The following SNTG1 variants were observed in gnomAD, a reference collection of about 807,000 sequenced individuals.
SNTG1 encodes the protein syntrophin gamma 1.
Under a neutral mutation model 74.7 loss-of-function variants are expected in SNTG1, and 39 were observed. The observed-to-expected ratio is 0.52, with a 90% CI of 0.40 to 0.68. The LOEUF (loss-of-function observed/expected upper bound fraction) is 0.68, where lower values mean the gene tolerates loss of function less well. Ranked by LOEUF, SNTG1 falls within the 30% of genes least tolerant of loss-of-function variation. SNTG1 has a pLI of 0.00. For missense variants in SNTG1, 685 were observed against 609.5 expected (o/e 1.12, Z -1.30); for synonymous variants, 254 against 217.1 (o/e 1.17, Z -1.49).
At chr8:50,033,750 C>A (rs978400262) in intron 1 of SNTG1, among the ~76,000 whole-genome samples, 102 of 152,268 alleles carry the variant, frequency 6.7e-4, no homozygotes, top group African/African-American at 2.4e-3. Context: ...AGGACCACAA[C>A]AACGACCTCA....
intron 4 of SNTG1, among the ~76,000 whole-genome samples, chr8:50,432,270 T>G (rs889661981): frequency 6.6e-6 from 1 of 152,186 alleles, no homozygotes; most frequent in South Asian, 2.1e-4. Flanking sequence ...AAAAAATATC[T>G]TTGCTTTTCT....
intron 11 of SNTG1, among the ~76,000 whole-genome samples, chr8:50,550,591 C>A (rs1235326482): frequency 1.3e-5 from 2 of 151,870 alleles, no homozygotes; most frequent in African/African-American, 4.8e-5. Context: ...GAGCAGTTAC[C>A]AAGAATCTTT....
intron 2 of SNTG1, among the ~76,000 whole-genome samples, chr8:50,389,718 T>C (rs1321893379): frequency 1.3e-5 from 2 of 152,344 alleles, no homozygotes; most frequent in East Asian, 1.9e-4. Flanking sequence ...AAAGTGTTCC[T>C]ATTTCTCCAC....
intron 1 of SNTG1, among the ~76,000 whole-genome samples, chr8:50,159,802 G>GA (rs1326803380): frequency 6.6e-6 from 1 of 151,998 alleles, no homozygotes; most frequent in African/African-American, 2.4e-5. Flanking sequence ...TATTCATTTG[G>GA]TCCCATTGGT....
In SNTG1 at chr8:50,208,616, G is replaced by A. The variant is rs138044296; in HGVS notation, c.-28+35981G>A. Among the ~76,000 whole-genome samples, 4 of 152,122 alleles carry A rather than the reference G, an allele frequency of 2.6e-5. No individual in the cohort carries two copies. In the South Asian group the frequency reaches 8.3e-4, roughly 32 times the overall value. ...TGATCCTGTCATTATGATGTTAGCT[G>A]GTTATGTTGCTTGTTAGTTGATACA... is the stretch of plus-strand genomic sequence containing the variant. On this transcript the variant is annotated intron_variant, in intron 2 of 18. Transcript: ENST00000642720.
chr8:50,013,256 T>C (rs561339946), intron 1 of SNTG1, among the ~76,000 whole-genome samples: 1 of 152,224 alleles, frequency 6.6e-6, no homozygotes, highest in South Asian at 2.1e-4. Flanking sequence ...ATTAAATGTG[T>C]AGAAGACTGC....
chr8:50,055,926 G>A (rs888102174), intron 1 of SNTG1, among the ~76,000 whole-genome samples: 1 of 151,690 alleles, frequency 6.6e-6, no homozygotes, highest in East Asian at 1.9e-4. Context: ...TCTTTTTATT[G>A]GAAACAATGG....
chr8:50,650,604 C>T (rs1165226928), intron 13 of SNTG1, among the ~76,000 whole-genome samples: 4 of 152,140 alleles, frequency 2.6e-5, no homozygotes, highest in African/African-American at 9.6e-5. Flanking sequence ...TTACAGATTA[C>T]ATTACTTTAA....
intron 1 of SNTG1, among the ~76,000 whole-genome samples, chr8:50,062,620 C>T (rs1420005652): frequency 1.3e-5 from 2 of 152,014 alleles, no homozygotes; most frequent in Non-Finnish European, 2.9e-5. Context: ...TTTTTTTACT[C>T]ACAACCTACT....
chr8:50,060,691 G>C (rs995576848), intron 1 of SNTG1, among the ~76,000 whole-genome samples: 1 of 151,844 alleles, frequency 6.6e-6, no homozygotes, highest in Non-Finnish European at 1.5e-5. Context: ...AACACCTACA[G>C]CTTTTTAAAA....
At chr8:50,696,555 T>C (rs570555291) in intron 15 of SNTG1, among the ~76,000 whole-genome samples, 1 of 152,234 alleles carries the variant, frequency 6.6e-6, no homozygotes, top group East Asian at 1.9e-4. Flanking sequence ...GGTTTTCTTC[T>C]AGGATATTAA....
chr8:50,141,948 C>G (rs539372069), intron 1 of SNTG1, among the ~76,000 whole-genome samples: 16 of 152,146 alleles, frequency 1.1e-4, no homozygotes, highest in African/African-American at 3.4e-4. Context: ...TGGCATATAA[C>G]TATTACACAC....
At chr8:50,138,925 TTA>T (rs2081570279) in intron 1 of SNTG1, among the ~76,000 whole-genome samples, 1 of 152,146 alleles carries the variant, frequency 6.6e-6, no homozygotes, top group South Asian at 2.1e-4. Flanking sequence ...AATTTAAATT[TTA>T]TGTTTATTTG....
chr8:50,559,963 G>A (rs527887131), intron 12 of SNTG1, among the ~76,000 whole-genome samples: 6 of 152,172 alleles, frequency 3.9e-5, no homozygotes, highest in East Asian at 1.9e-4. Context: ...GAAATTTTTT[G>A]CCATCTATCC....
At chr8:50,690,549 T>A (rs1298699399) in intron 15 of SNTG1, among the ~76,000 whole-genome samples, 1 of 152,168 alleles carries the variant, frequency 6.6e-6, no homozygotes, top group African/African-American at 2.4e-5. Context: ...TCCATGTAGT[T>A]GTGTGGTTTT....
intron 13 of SNTG1, among the ~76,000 whole-genome samples, chr8:50,653,073 G>A (rs1563697278): frequency 1.3e-5 from 2 of 151,782 alleles, no homozygotes; most frequent in East Asian, 3.9e-4. Context: ...AAACCTTACA[G>A]AGACAGAATA....
chr8:50,669,214 T>A (rs1254314939), intron 15 of SNTG1, among the ~76,000 whole-genome samples: 5 of 141,458 alleles, frequency 3.5e-5, no homozygotes, highest in South Asian at 2.4e-4. Flanking sequence ...AAATAGAGAT[T>A]TAAAAAAAAA....
chr8:50,441,389 G>A (rs1246181334), intron 5 of SNTG1, among the ~76,000 whole-genome samples: 1 of 152,106 alleles, frequency 6.6e-6, no homozygotes, highest in East Asian at 1.9e-4. Flanking sequence ...GACAAAACGT[G>A]CAGGTGGCTT....
In SNTG1 at chr8:50,190,254, G is replaced by A. The variant is rs555817377; in HGVS notation, c.-28+17619G>A. On this transcript the variant is annotated intron_variant, in intron 2 of 18. Transcript: ENST00000642720. Reference sequence around the variant, plus strand: ...TTCTAGAACAATATTATATTTCATAGAATATGATATTTCATGCAAAATACA... The same window carrying A: ...TTCTAGAACAATATTATATTTCATAAAATATGATATTTCATGCAAAATACA... Among the ~76,000 whole-genome samples, 3 of 152,204 alleles carry A rather than the reference G, an allele frequency of 2.0e-5. No homozygotes were observed. In the South Asian group the frequency reaches 6.2e-4, roughly 32 times the overall value.
Sources: gnomAD v4.1 joint callset for allele counts (sites outside exome capture counted in the v4.1 genomes callset) on GRCh38, gnomAD v4.1.1 for gene constraint, MANE v1.5 for transcripts, NCBI Gene and HGNC (gene_info 2026-07-23, HGNC 2026-07-21) for gene names.